The following EPB41 variants were observed in gnomAD, a reference collection of about 807,000 sequenced individuals.
EPB41 encodes the protein protein 4.1.
EPB41 carries 65 observed loss-of-function variants against 108.0 expected under a neutral mutation model. That is an observed-to-expected ratio of 0.60 (90% CI 0.49 to 0.74). The LOEUF (loss-of-function observed/expected upper bound fraction) is 0.74, where lower values mean the gene tolerates loss of function less well. Ranked by LOEUF, EPB41 falls within the 30% of genes least tolerant of loss-of-function variation. EPB41 has a pLI of 0.00. For synonymous variants in EPB41, 336 were observed against 358.9 expected (o/e 0.94, Z 0.72); for missense variants, 875 against 1,037.0 (o/e 0.84, Z 2.15).
At chr1:28,955,831 T>C (rs2094929324) in intron 1 of EPB41, among the ~76,000 whole-genome samples, 2 of 152,212 alleles carry the variant, frequency 1.3e-5, no homozygotes, top group Non-Finnish European at 2.9e-5. Context: ...ACTGTATATG[T>C]TGTCTGTTTT....
At chr1:29,111,439 G>A (rs1030320289) in intron 18 of EPB41, among the ~76,000 whole-genome samples, 4 of 150,970 alleles carry the variant, frequency 2.6e-5, no homozygotes, top group Admixed American at 1.3e-4. Flanking sequence ...GGCAGATCAC[G>A]AGGTCAAGAG....
At chr1:29,110,060 C>T (rs1352875351) in intron 18 of EPB41, among the ~76,000 whole-genome samples, 4 of 146,008 alleles carry the variant, frequency 2.7e-5, no homozygotes. Flanking sequence ...AGGGGCCAGG[C>T]GTGGTGTAAT....
At chr1:28,943,644 G>A (rs890868354) in intron 1 of EPB41, among the ~76,000 whole-genome samples, 49 of 151,202 alleles carry the variant, frequency 3.2e-4, no homozygotes, top group Non-Finnish European at 2.4e-4. Context: ...GTGAGACTCC[G>A]TTTCAGGAAA....
intron 1 of EPB41, among the ~76,000 whole-genome samples, chr1:28,905,840 C>T (rs1489548604): frequency 7.3e-5 from 10 of 136,228 alleles, no homozygotes; most frequent in Non-Finnish European, 1.2e-4. Flanking sequence ...TTTTTTGAGA[C>T]GGAGTCTTGC....
intron 4 of EPB41, among the ~76,000 whole-genome samples, chr1:29,000,672 C>T (rs188748782): frequency 6.6e-6 from 1 of 152,078 alleles, no homozygotes; most frequent in South Asian, 2.1e-4. Context: ...GAAAAATTGG[C>T]CTTATCATAG....
chr1:29,033,073 C>T lies in EPB41; in HGVS notation c.1213-20C>T. ...GAGTACTTTGCTCCAGACTGAAATC[C>T]TAACATTTTTCTTTTTCAGGACTTG... On this transcript the variant is annotated intron_variant, in intron 8 of 20. Transcript: ENST00000343067. The T allele has an allele frequency of 6.2e-7, 1 of 1,613,106 alleles. No individual in the cohort carries two copies. The highest frequency in any genetic ancestry group is 8.5e-7 in the Non-Finnish European group (1 of 1,179,500).
chr1:28,904,028 G>A (rs548934687), intron 1 of EPB41, among the ~76,000 whole-genome samples: 4 of 151,934 alleles, frequency 2.6e-5, no homozygotes, highest in African/African-American at 4.8e-5. Context: ...CACTGCACCC[G>A]GCTGATTTTT....
chr1:28,891,341 G>T (rs761911114), intron 1 of EPB41, among the ~76,000 whole-genome samples: 14 of 152,210 alleles, frequency 9.2e-5, no homozygotes, highest in Non-Finnish European at 2.1e-4. Flanking sequence ...CCAGCTGTTT[G>T]ATAGCTATTT....
rs544600199 is a variant in EPB41, at chr1:28,962,934, A to T, written c.-7-24497A>T. Among the ~76,000 whole-genome samples the T allele has an allele frequency of 7.9e-5, 12 of 152,200 alleles. 1 individual carries two copies. In the South Asian group the frequency reaches 2.5e-3, roughly 32 times the overall value. ...AAATGAGTGTTTGTAATAATAATAA[A>T]AATAAAGATATTCTCTATTCCTTTG... On this transcript the variant is annotated intron_variant, in intron 1 of 20. Transcript: ENST00000343067.
intron 4 of EPB41, among the ~76,000 whole-genome samples, chr1:29,006,950 A>G (rs112073639): frequency 4.3e-4 from 66 of 152,280 alleles, no homozygotes; most frequent in African/African-American, 1.5e-3. Context: ...ATCACCATCA[A>G]TCACTTTAGC....
At chr1:29,090,449 T>C (rs1660777335) in intron 16 of EPB41, among the ~76,000 whole-genome samples, 1 of 152,174 alleles carries the variant, frequency 6.6e-6, no homozygotes, top group Admixed American at 6.5e-5. Flanking sequence ...CTTCTACTAA[T>C]ATGATAGAAG....
intron 10 of EPB41, 100 bp from the exon 11 acceptor site, chr1:29,039,154 A>C (rs934694161): frequency 1.1e-5 from 15 of 1,327,044 alleles, no homozygotes; most frequent in African/African-American, 1.5e-5. Flanking sequence ...AACCCTGAGA[A>C]TTGTGAAACT....
intron 17 of EPB41, among the ~76,000 whole-genome samples, chr1:29,108,846 C>T (rs917291482): frequency 2.0e-5 from 3 of 149,882 alleles, no homozygotes; most frequent in Admixed American, 6.7e-5. Flanking sequence ...CATGAGCCAC[C>T]GAGCATGGCC....
chr1:29,018,259 T>C lies in EPB41; in HGVS notation c.941T>C (p.Val314Ala), dbSNP rs1572541260. The change falls in exon 7 of 21, where the codon GTT becomes GCT. Residue 314 changes from valine to alanine, a missense_variant. Around this residue, in one of 3 missense-constraint regions of EPB41, gnomAD observed 353 missense variants for 393.2 expected, o/e 0.90. Transcript: ENST00000343067. The surrounding 1 kb of genome is among the most constrained non-coding windows in gnomAD (Gnocchi z 4.4). ...TGTCTTCAGCTTCGGCAGGACATAG[T>C]TGCAGGACGTCTGCCCTGTTCCTTT... The part of the protein sequence containing the change: ...YLCLQLRQDI[V>A]AGRLPCSFAT... The C allele has an allele frequency of 6.2e-7, 1 of 1,614,194 alleles. No homozygotes were observed. The highest frequency in any genetic ancestry group is 1.1e-5 in the South Asian group (1 of 91,084).
At chr1:28,932,414 G>A (rs1201120757) in intron 1 of EPB41, among the ~76,000 whole-genome samples, 1 of 149,492 alleles carries the variant, frequency 6.7e-6, no homozygotes, top group Non-Finnish European at 1.5e-5. Context: ...TGAGCATCAT[G>A]CCTGGCCTCT....
Position 29,053,115 on chromosome 1 carries a change from G to T in EPB41, c.1648G>T (p.Asp550Tyr). Residue 550 changes from aspartate to tyrosine, a missense_variant, in exon 12 of 21, where the codon GAT (aspartate) becomes TAT (tyrosine). Transcript: ENST00000343067. Reference sequence around the variant, plus strand: ...CCTTTCTCACATAGCAGCAGCTGTCGATTCGGCAGACCGAAGTCCTCGGCC... The same window carrying T: ...CCTTTCTCACATAGCAGCAGCTGTCTATTCGGCAGACCGAAGTCCTCGGCC... ...SRSLDGAAAV[D>Y]SADRSPRPTS... 1 of 1,614,000 alleles carries T rather than the reference G, an allele frequency of 6.2e-7. No individual in the cohort carries two copies. Among genetic ancestry groups the T allele is most frequent in the Non-Finnish European group, 8.5e-7 (1 of 1,180,034 alleles).
At chr1:28,978,065 A>G (rs540528846) in intron 1 of EPB41, among the ~76,000 whole-genome samples, 29 of 150,896 alleles carry the variant, frequency 1.9e-4, no homozygotes, top group Admixed American at 1.8e-3. Context: ...CATTGTTTGA[A>G]TTCCTGATTG....
chr1:29,054,602 C>T (rs948767645), intron 12 of EPB41: 2 of 148,790 alleles, frequency 1.3e-5, no homozygotes, highest in African/African-American at 2.5e-5. Flanking sequence ...GTAATCCTAG[C>T]ACTTTGGGAG....
At chr1:28,949,767 A>C (rs904440333) in intron 1 of EPB41, among the ~76,000 whole-genome samples, 3 of 151,500 alleles carry the variant, frequency 2.0e-5, no homozygotes, top group South Asian at 4.2e-4. Context: ...CCACACCCAG[A>C]TAATTTTTGT....
Sources: gnomAD v4.1 joint callset for allele counts (sites outside exome capture counted in the v4.1 genomes callset) on GRCh38, gnomAD v4.1.1 for gene constraint, gnomAD v4.1.1 regional missense constraint, Gnocchi (gnomAD v3.1) non-coding constraint, MANE v1.5 for transcripts, NCBI Gene and HGNC (gene_info 2026-07-23, HGNC 2026-07-21) for gene names.